DZIP1: variants seen among roughly 807,000 people sequenced by gnomAD.
The protein encoded by DZIP1 is cilium assembly protein DZIP1.
Under a neutral mutation model 107.6 loss-of-function variants are expected in DZIP1, and 97 were observed. That is an observed-to-expected ratio of 0.90 (90% CI 0.77 to 1.07). The LOEUF (loss-of-function observed/expected upper bound fraction) is 1.07, where lower values mean the gene tolerates loss of function less well. Ranked by LOEUF, DZIP1 falls within the 50% of genes least tolerant of loss-of-function variation. The pLI is 0.00. For synonymous variants in DZIP1, 390 were observed against 386.4 expected (o/e 1.01, Z -0.11); for missense variants, 1,035 against 1,063.6 (o/e 0.97, Z 0.37).
At chr13:95,617,465 C>T (rs766137152) in intron 10 of DZIP1, among the ~76,000 whole-genome samples, 14 of 152,038 alleles carry the variant, frequency 9.2e-5, no homozygotes, top group South Asian at 2.1e-4. Flanking sequence ...TCCTATCCCA[C>T]GGACATTGAG....
At chr13:95,593,878 T>C (rs1029829625) in intron 16 of DZIP1, 66 bp downstream of exon 16, 1 of 1,537,226 alleles carries the variant, frequency 6.5e-7, no homozygotes, top group African/African-American at 1.4e-5. Context: ...TCTTCCATGA[T>C]CATTTCTAAT....
intron 13 of DZIP1, among the ~76,000 whole-genome samples, chr13:95,607,634 C>A (rs906796755): frequency 6.6e-6 from 1 of 152,032 alleles, no homozygotes; most frequent in African/African-American, 2.4e-5. Flanking sequence ...GATCATCTAG[C>A]CTGTGAAGCC....
Position 95,641,381 on chromosome 13 carries a change from T to C in DZIP1, c.511A>G (p.Lys171Glu), listed in dbSNP as rs1163768590. The C allele has an allele frequency of 6.2e-7, 1 of 1,614,160 alleles. No homozygotes were observed. ...CGTTTGCACTCTTCCTTGAGCGTCTTGATCTCCCCCGCCTGCTTGGTGAGC... is the reference window on the plus strand; with the variant it reads ...CGTTTGCACTCTTCCTTGAGCGTCTCGATCTCCCCCGCCTGCTTGGTGAGC... ...KLLTKQAGEI[K>E]TLKEECKRRK... The change falls in exon 5 of 23, where the codon AAG (lysine) becomes GAG (glutamate). Residue 171 changes from lysine (K) to glutamate (E), a missense_variant. Transcript: ENST00000376829. The surrounding 1 kb of genome is among the most constrained non-coding windows in gnomAD (Gnocchi z 4.3).
Position 95,579,041 on chromosome 13 carries a change from A to C in DZIP1, c.*3193T>G, listed in dbSNP as rs910938374. Reference sequence around the variant, plus strand: ...AAAACCTGTTTATGCCTAGTGTTCCATTATTGGAACACTAAGCATGTGGGA... The same window carrying C: ...AAAACCTGTTTATGCCTAGTGTTCCCTTATTGGAACACTAAGCATGTGGGA... On this transcript the variant is annotated 3_prime_UTR_variant, in exon 23 of 23. Coordinates refer to ENST00000376829, the MANE Select transcript of DZIP1 (RefSeq NM_198968.4). 1.3e-5 allele frequency: 2 copies of C among 152,210 alleles called. No homozygotes were observed. The highest frequency in any genetic ancestry group is 2.9e-5 in the Non-Finnish European group (2 of 68,040). The allele number at this position is 152,210 out of a possible 1,614,324, so 9.4% of individuals were successfully genotyped here.
chr13:95,604,396 G>A (rs2044711788), intron 14 of DZIP1, among the ~76,000 whole-genome samples: 1 of 152,228 alleles, frequency 6.6e-6, no homozygotes, highest in Admixed American at 6.5e-5. Context: ...CCCTGGCCAA[G>A]TCTCTTCCTA....
intron 6 of DZIP1, among the ~76,000 whole-genome samples, chr13:95,631,902 A>C (rs1396872930): frequency 6.6e-6 from 1 of 152,158 alleles, no homozygotes; most frequent in South Asian, 2.1e-4. Flanking sequence ...CTGCTGTGCC[A>C]AGGTCACCAA....
chr13:95,609,493 C>T lies in DZIP1; in HGVS notation c.1384G>A (p.Ala462Thr). 6.3e-7 allele frequency: 1 copy of T among 1,586,672 alleles called. No individual in the cohort carries two copies. Among genetic ancestry groups the T allele is most frequent in the Non-Finnish European group, 8.6e-7 (1 of 1,167,130 alleles). The change falls in exon 13 of 23, where the codon GCT (alanine) becomes ACT (threonine). Residue 462 changes from alanine (A) to threonine (T), a missense_variant. Physicochemically the swap from Ala to Thr is moderately conservative, Grantham distance 58. Coordinates refer to ENST00000376829, the MANE Select transcript of DZIP1 (RefSeq NM_198968.4). ...EPKGNPLAWQ[A>T]FESQPAAPAV... The stretch of plus-strand genomic sequence containing the variant: ...GGAGCAGCTGGCTGAGATTCAAAAG[C>T]CTGCCAGGCTAAAGGATTTCCTGAA...
At chr13:95,594,418 C>T (rs967457409) in intron 15 of DZIP1, among the ~76,000 whole-genome samples, 2 of 152,138 alleles carry the variant, frequency 1.3e-5, no homozygotes, top group Non-Finnish European at 2.9e-5. Flanking sequence ...AATTATATCA[C>T]TATTTCCTGA....
In DZIP1 at chr13:95,619,938, A is replaced by C; in HGVS notation, c.1120T>G (p.Trp374Gly). Residue 374 changes from tryptophan to glycine, a missense_variant, in exon 10 of 23, where the codon TGG (tryptophan) becomes GGG (glycine). By Grantham distance (184) the Trp-to-Gly change is radical (BLOSUM62 -2). Coordinates refer to ENST00000376829, the MANE Select transcript of DZIP1 (RefSeq NM_198968.4). ...TGAATAGCTTGAACTCGAGCTGTCC[A>C]TTTGCTTTCCTACAAAAGAATAAAA... ...MQLLDSQESK[W>G]TARVQAIHQE... 6.2e-7 allele frequency: 1 copy of C among 1,613,774 alleles called. No homozygotes were observed. Among genetic ancestry groups the C allele is most frequent in the Non-Finnish European group, 8.5e-7 (1 of 1,179,928 alleles).
At position 95,585,998 on chromosome 13, in the gene DZIP1, G is replaced by A; in HGVS notation, c.2349+8C>T. 2 of 1,592,560 alleles carry A rather than the reference G, an allele frequency of 1.3e-6. No individual in the cohort carries two copies. The highest frequency in any genetic ancestry group is 1.4e-5 in the African/African-American group (1 of 73,516). ...TTATGTATATCTAGCAAGTAAAAGT[G>A]ATTTCACCTTTAGTTCTTGTAATTC... is the stretch of plus-strand genomic sequence containing the variant. On this transcript the variant is annotated splice_region_variant and intron_variant, in intron 21 of 22. Transcript: ENST00000376829.
rs184815183 is a variant in DZIP1, at chr13:95,630,392, A to G, written c.686-279T>C. On this transcript the variant is annotated intron_variant, in intron 6 of 22. Coordinates refer to ENST00000376829, the MANE Select transcript of DZIP1 (RefSeq NM_198968.4). Reference sequence around the variant, plus strand: ...TGAGAGCCCTCTTCAGGGAGCAATAATGGTAACAAGGAATAATACAGGGTG... The same window carrying G: ...TGAGAGCCCTCTTCAGGGAGCAATAGTGGTAACAAGGAATAATACAGGGTG... Among the ~76,000 whole-genome samples, 12 of 152,206 alleles carry G rather than the reference A, an allele frequency of 7.9e-5. No individual in the cohort carries two copies. The East Asian group carries it at 2.3e-3, about 29-fold the overall frequency.
At chr13:95,634,882 C>T (rs542000204) in intron 5 of DZIP1, among the ~76,000 whole-genome samples, 7 of 152,090 alleles carry the variant, frequency 4.6e-5, no homozygotes, top group South Asian at 2.1e-4. Flanking sequence ...AAAAAACATT[C>T]GGTTTGTTTT....
In DZIP1 at chr13:95,605,068, T is replaced by C. The variant is rs138990153; in HGVS notation, c.1477+935A>G. On this transcript the variant is annotated intron_variant, in intron 14 of 22. Transcript: ENST00000376829. ...ACAACTGACCCACCTGAAATGATCT[T>C]CGGGAAAAAAATAAGGTGCAATAAA... 6.2e-3 allele frequency among the ~76,000 whole-genome samples: 940 copies of C among 152,100 alleles called. 8 individuals are homozygous for C. Among genetic ancestry groups the C allele is most frequent in the African/African-American group, 0.021 (866 of 41,492 alleles).
At chr13:95,642,518 A>AAGTAGTATC (rs1878660718) in intron 3 of DZIP1, among the ~76,000 whole-genome samples, 1 of 152,216 alleles carries the variant, frequency 6.6e-6, no homozygotes, top group Admixed American at 6.5e-5. Context: ...AAGAAAAAAA[A>AAGTAGTATC]AGTAGTATCT....
chr13:95,607,580 G>C (rs1382734870), intron 13 of DZIP1, among the ~76,000 whole-genome samples: 1 of 152,086 alleles, frequency 6.6e-6, no homozygotes, highest in African/African-American at 2.4e-5. Flanking sequence ...GTTGTCTATG[G>C]CTGATTTTGC....
chr13:95,584,539 TA>T, intron 22 of DZIP1, 196 bp downstream of exon 22: 6 of 1,061,390 alleles, frequency 5.7e-6, no homozygotes, highest in Non-Finnish European at 7.2e-6. Context: ...GTCCTATAAT[TA>T]AATAAAAATA....
At chr13:95,626,269 A>G (rs1876532245) in intron 7 of DZIP1, among the ~76,000 whole-genome samples, 1 of 152,232 alleles carries the variant, frequency 6.6e-6, no homozygotes, top group Non-Finnish European at 1.5e-5. Context: ...AGAACAGGAA[A>G]GCAACAGAGA....
At position 95,587,562 on chromosome 13, in the gene DZIP1, G is replaced by A; in HGVS notation, c.2195C>T (p.Thr732Ile). ...ACCTGCGGGCTTGGGAGAATCATCA[G>A]TGTCCTCGATTTCGCTTCCCTCGGT... ...DGTEGSEIED[T>I]DDSPKPAGVA... is the part of the protein sequence containing the mutation. The change falls in exon 20 of 23, where the codon ACT becomes ATT. Residue 732 changes from threonine to isoleucine, a missense_variant. Transcript: ENST00000376829. The A allele has an allele frequency of 1.2e-6, 2 of 1,614,090 alleles. No homozygotes were observed. Among genetic ancestry groups the A allele is most frequent in the Non-Finnish European group, 1.7e-6 (2 of 1,180,006 alleles).
intron 19 of DZIP1, 53 bp downstream of exon 19, chr13:95,589,101 T>G: frequency 7.2e-7 from 1 of 1,394,618 alleles, no homozygotes; most frequent in South Asian, 1.2e-5. Context: ...ATGAAAGGAA[T>G]GTTCAGTGAA....
Sources: allele counts gnomAD v4.1 joint callset (sites outside exome capture counted in the v4.1 genomes callset), GRCh38; gene constraint gnomAD v4.1.1; non-coding constraint Gnocchi (gnomAD v3.1); transcripts MANE v1.5; gene names NCBI Gene and HGNC (gene_info 2026-07-23, HGNC 2026-07-21).